The following ACVR1B variants were observed in gnomAD, a reference collection of about 807,000 sequenced individuals.
ACVR1B encodes activin A receptor type 1B.
Under a neutral mutation model 55.6 loss-of-function variants are expected in ACVR1B, and 15 were observed. The observed-to-expected ratio is 0.27, with a 90% CI of 0.18 to 0.42. ACVR1B has a LOEUF of 0.42. Among genes scored for constraint, ACVR1B ranks in the 10% least tolerant of loss-of-function variants. The probability of loss-of-function intolerance (pLI) is 1.00; values close to 1 mark genes in which losing one functional copy is unlikely to be tolerated. For synonymous variants in ACVR1B, 247 were observed against 254.6 expected (o/e 0.97, Z 0.28); for missense variants, 359 against 670.1 (o/e 0.54, Z 5.13).
At chr12:51,990,002 G>A (rs1262082513) in intron 7 of ACVR1B, among the ~76,000 whole-genome samples, 2 of 150,468 alleles carry the variant, frequency 1.3e-5, no homozygotes, top group East Asian at 2.0e-4. Context: ...AAAAAAAAAT[G>A]AACATTAGGG....
At chr12:51,952,627 T>G (rs1941323946) in intron 1 of ACVR1B, among the ~76,000 whole-genome samples, 1 of 152,098 alleles carries the variant, frequency 6.6e-6, no homozygotes, top group South Asian at 2.1e-4. Context: ...GTATTTGCTT[T>G]CCTCCTCGCC....
At chr12:51,961,805 A>C (rs187970343) in intron 1 of ACVR1B, among the ~76,000 whole-genome samples, 3 of 152,252 alleles carry the variant, frequency 2.0e-5, no homozygotes, top group African/African-American at 7.2e-5. Context: ...ATAAACTGAT[A>C]TCAAAGGAGA....
intron 1 of ACVR1B, among the ~76,000 whole-genome samples, chr12:51,955,621 G>A (rs534996045): frequency 2.0e-5 from 3 of 152,300 alleles, no homozygotes; most frequent in African/African-American, 7.2e-5. Context: ...ATTGTTTACT[G>A]TTCAATTTTT....
chr12:51,989,343 G>A (rs1942143261), intron 7 of ACVR1B, among the ~76,000 whole-genome samples: 1 of 151,946 alleles, frequency 6.6e-6, no homozygotes, highest in African/African-American at 2.4e-5. Context: ...GTATTGCCAT[G>A]GCACAATCTT....
chr12:51,978,018 A>T (rs1249249473), intron 3 of ACVR1B, among the ~76,000 whole-genome samples: 1 of 152,048 alleles, frequency 6.6e-6, no homozygotes, highest in African/African-American at 2.4e-5. Flanking sequence ...GCCATCAGTC[A>T]TGCCCAGACA....
rs1942277957 is a variant in ACVR1B, at chr12:51,995,264, T to A, written c.*1154T>A. The A allele has an allele frequency of 6.7e-6, 1 of 148,786 alleles. No individual in the cohort carries two copies. Among genetic ancestry groups the A allele is most frequent in the Non-Finnish European group, 1.5e-5 (1 of 67,270 alleles). The allele number at this position is 148,786 out of a possible 1,614,324, so 9.2% of individuals were successfully genotyped here. A position where few individuals can be genotyped will look rare whatever the true frequency, so the allele number is the denominator to read the frequency against. The stretch of plus-strand genomic sequence containing the variant: ...AGTGTATATTTTTGGTGGTGGTGGG[T>A]TTGGGGTGGGGAAGGGAAGGGCGGG... On this transcript the variant is annotated 3_prime_UTR_variant, in exon 9 of 9. Transcript: ENST00000257963.
chr12:51,971,470 C>T (rs539218046), intron 1 of ACVR1B, among the ~76,000 whole-genome samples: 31 of 152,128 alleles, frequency 2.0e-4, no homozygotes, highest in Non-Finnish European at 4.3e-4. Flanking sequence ...GTAATTCTTC[C>T]GCCTTGGAAT....
intron 1 of ACVR1B, among the ~76,000 whole-genome samples, chr12:51,969,210 C>T (rs1375040442): frequency 2.0e-5 from 3 of 152,152 alleles, no homozygotes; most frequent in Non-Finnish European, 4.4e-5. Flanking sequence ...TTGTTCTATG[C>T]CACAAGTTTT....
chr12:51,979,406 G>A (rs987934183), intron 3 of ACVR1B, among the ~76,000 whole-genome samples: 3 of 147,758 alleles, frequency 2.0e-5, no homozygotes, highest in Non-Finnish European at 4.4e-5. Context: ...GGTGGAGGTT[G>A]CAGTGAGCCG....
chr12:51,961,294 G>T (rs1006911602), intron 1 of ACVR1B, among the ~76,000 whole-genome samples: 2 of 152,194 alleles, frequency 1.3e-5, no homozygotes, highest in Non-Finnish European at 2.9e-5. Flanking sequence ...TAATAAGTTT[G>T]TTTAATTGAA....
intron 7 of ACVR1B, 117 bp from the exon 8 acceptor site, chr12:51,991,746 C>T: frequency 8.7e-7 from 1 of 1,147,836 alleles, no homozygotes; most frequent in Non-Finnish European, 1.2e-6. Context: ...AACTAACTTT[C>T]TAAGGAACCT....
At chr12:51,990,880 C>G (rs967241665) in intron 7 of ACVR1B, among the ~76,000 whole-genome samples, 3 of 152,124 alleles carry the variant, frequency 2.0e-5, no homozygotes, top group African/African-American at 7.2e-5. Context: ...TCTACTCTTC[C>G]TGGTATTTCC....
At chr12:51,967,427 C>T (rs887236413) in intron 1 of ACVR1B, among the ~76,000 whole-genome samples, 4 of 151,810 alleles carry the variant, frequency 2.6e-5, no homozygotes, top group African/African-American at 7.3e-5. Flanking sequence ...GGTGTGGTGG[C>T]GGGCGCCTGT....
In ACVR1B at chr12:51,967,513, C is replaced by T. The variant is rs112852426; in HGVS notation, c.92-7752C>T. 2.6e-5 allele frequency among the ~76,000 whole-genome samples: 4 copies of T among 151,774 alleles called. No individual in the cohort carries two copies. The East Asian group carries it at 7.8e-4, about 30-fold the overall frequency. The stretch of plus-strand genomic sequence containing the variant: ...GGCAATGGTTGCAGTGAGCCGAAAT[C>T]GTGCCATTGTACTCCAGCCTGGGTG... On this transcript the variant is annotated intron_variant, in intron 1 of 8. Coordinates refer to ENST00000257963, the MANE Select transcript of ACVR1B (RefSeq NM_004302.5).
At chr12:51,979,036 G>A (rs951093817) in intron 3 of ACVR1B, among the ~76,000 whole-genome samples, 8 of 151,242 alleles carry the variant, frequency 5.3e-5, no homozygotes, top group Non-Finnish European at 8.8e-5. Flanking sequence ...AGTGGCACAC[G>A]CCTATAATTC....
At chr12:51,977,368 G>A (rs757035880) in intron 3 of ACVR1B, among the ~76,000 whole-genome samples, 5 of 152,020 alleles carry the variant, frequency 3.3e-5, no homozygotes, top group African/African-American at 4.8e-5. Flanking sequence ...CGCAATTTCC[G>A]CTCTCTGAAA....
chr12:51,992,271 G>A, intron 8 of ACVR1B: 2 of 471,856 alleles, frequency 4.2e-6, no homozygotes, highest in Non-Finnish European at 7.5e-6. Context: ...TTGAGAGGCT[G>A]AGGCAGGAAG....
Position 51,995,861 on chromosome 12 carries a change from G to T in ACVR1B, c.*1751G>T, listed in dbSNP as rs1452389964. The T allele has an allele frequency of 6.6e-6, 1 of 152,538 alleles. No individual in the cohort carries two copies. The highest frequency in any genetic ancestry group is 1.5e-5 in the Non-Finnish European group (1 of 68,056). The allele number at this position is 152,538 out of a possible 1,614,324, so 9.4% of individuals were successfully genotyped here. Reference sequence around the variant, plus strand: ...TTCCTTGAGTGGTTTTTGCTCTAGGGCCCTTTCTTGCACTGTCCAGCTGGT... The same window carrying T: ...TTCCTTGAGTGGTTTTTGCTCTAGGTCCCTTTCTTGCACTGTCCAGCTGGT... On this transcript the variant is annotated 3_prime_UTR_variant, in exon 9 of 9. Transcript: ENST00000257963.
At chr12:51,976,869 G>A (rs529403259) in intron 3 of ACVR1B, among the ~76,000 whole-genome samples, 28 of 152,228 alleles carry the variant, frequency 1.8e-4, no homozygotes, top group African/African-American at 6.5e-4. Flanking sequence ...AATTCAGCTG[G>A]TCCCACCTGA....
Sources: gnomAD v4.1 joint callset for allele counts (sites outside exome capture counted in the v4.1 genomes callset) on GRCh38, gnomAD v4.1.1 for gene constraint, MANE v1.5 for transcripts, NCBI Gene and HGNC (gene_info 2026-07-23, HGNC 2026-07-21) for gene names.